The following ZNF77 variants were observed in gnomAD, a reference collection of about 807,000 sequenced individuals.
The protein encoded by ZNF77 is ZNFpT1.
In ZNF77, 15 loss-of-function variants were observed where a neutral mutation model predicts 13.5. That is an observed-to-expected ratio of 1.11 (90% CI 0.74 to 1.71). The LOEUF is 1.71. Ranked by LOEUF, ZNF77 falls within the 40% of genes most tolerant of loss-of-function variation. The pLI is 0.00. For missense variants in ZNF77, 717 were observed against 676.4 expected (o/e 1.06, Z -0.67); for synonymous variants, 282 against 250.0 (o/e 1.13, Z -1.21).
chr19:2,941,125 C>G (rs2316902), intron 1 of ZNF77, among the ~76,000 whole-genome samples: 40,933 of 142,468 alleles, frequency 0.29, 6,039 homozygotes, highest in Non-Finnish European at 0.33. Flanking sequence ...TAGTGAGCCA[C>G]GATGTCACCA....
At position 2,944,883 on chromosome 19, in the gene ZNF77, T is replaced by A; in HGVS notation, c.-43A>T. ...GCTCTCCAGGGTTAGCGCCCCGCGG[T>A]CCAGCGACCGGCGCAGGTGAGCACG... On this transcript the variant is annotated 5_prime_UTR_variant, in exon 1 of 4. Transcript: ENST00000314531. 2 of 1,521,632 alleles carry A rather than the reference T, an allele frequency of 1.3e-6. No individual in the cohort carries two copies. The allele number at this position is 1,521,632 out of a possible 1,614,324, so 94.3% of individuals were successfully genotyped here.
chr19:2,943,198 CT>C (rs1252238052), intron 1 of ZNF77, among the ~76,000 whole-genome samples: 1 of 152,072 alleles, frequency 6.6e-6, no homozygotes, highest in African/African-American at 2.4e-5. Context: ...CCCCATGCCC[CT>C]GTTGCTTATA....
rs75674008 is a variant in ZNF77, at chr19:2,939,183, G to C, written c.130+98C>G. Reference sequence around the variant, plus strand: ...GAATGACGCCACCCTTACCCAAGGAGGCAGTGAGGGAATGACGCCACCCTT... The same window carrying C: ...GAATGACGCCACCCTTACCCAAGGACGCAGTGAGGGAATGACGCCACCCTT... On this transcript the variant is annotated intron_variant, in intron 2 of 3. Coordinates refer to ENST00000314531, the MANE Select transcript of ZNF77 (RefSeq NM_021217.3). The C allele has an allele frequency of 9.9e-4, 310 of 312,696 alleles. 3 individuals carry two copies. Among genetic ancestry groups the C allele is most frequent in the East Asian group, 3.4e-3 (36 of 10,442 alleles). The allele number at this position is 312,696 out of a possible 1,614,324, so 19.4% of individuals were successfully genotyped here. A position where few individuals can be genotyped will look rare whatever the true frequency, so the allele number is the denominator to read the frequency against.
chr19:2,936,662 C>G lies in ZNF77; in HGVS notation c.173G>C (p.Arg58Thr). ...GGATATTCCATTCCCAAAAACGTCC[C>G]TCTGAGAACTTGATCCACTGGTTCT... ...YVRTSGSSSQ[R>T]DVFGNGISND... Residue 58 changes from arginine to threonine, a missense_variant, in exon 3 of 4, where the codon AGG (arginine) becomes ACG (threonine). Coordinates refer to ENST00000314531, the MANE Select transcript of ZNF77 (RefSeq NM_021217.3). The G allele has an allele frequency of 6.2e-7, 1 of 1,609,322 alleles. No homozygotes were observed. The highest frequency in any genetic ancestry group is 8.5e-7 in the Non-Finnish European group (1 of 1,178,676).
At chr19:2,942,359 C>T (rs1484770429) in intron 1 of ZNF77, among the ~76,000 whole-genome samples, 1 of 146,100 alleles carries the variant, frequency 6.8e-6, no homozygotes, top group South Asian at 2.2e-4. Context: ...TGTGAGCCAC[C>T]GCGCCCGGCT....
At chr19:2,936,348 C>T (rs967113291) in intron 3 of ZNF77, among the ~76,000 whole-genome samples, 176 bp downstream of exon 3, 5 of 152,112 alleles carry the variant, frequency 3.3e-5, no homozygotes, top group South Asian at 4.1e-4. Flanking sequence ...GGGGTTTCTC[C>T]GTGTTGGCCA....
chr19:2,943,491 G>A lies in ZNF77; in HGVS notation c.3+1347C>T, dbSNP rs1224778862. Among the ~76,000 whole-genome samples, 9 of 151,832 alleles carry A rather than the reference G, an allele frequency of 5.9e-5. 1 individual carries two copies. Among genetic ancestry groups the A allele is most frequent in the Admixed American group, 5.9e-4 (9 of 15,184 alleles). On this transcript the variant is annotated intron_variant, in intron 1 of 3. Transcript: ENST00000314531. ...AGTCTGAGCAAGCAGTAAGTGTGGA[G>A]TCCCCTGTCACCTCCCCTGAGCTAG...
chr19:2,935,888 T>C (rs1015234073), intron 3 of ZNF77, among the ~76,000 whole-genome samples: 1 of 151,824 alleles, frequency 6.6e-6, no homozygotes, highest in African/African-American at 2.4e-5. Context: ...CAGTGGTGTG[T>C]GCCTATAGTC....
At position 2,934,413 on chromosome 19, in the gene ZNF77, T is replaced by C. The variant is rs1439855023; in HGVS notation, c.714A>G (p.Lys238=). 4.3e-6 allele frequency: 7 copies of C among 1,614,208 alleles called. No individual in the cohort carries two copies. The East Asian group carries it at 1.3e-4, about 31-fold the overall frequency. Residue 238 remains lysine (K), a synonymous_variant, in exon 4 of 4, where the codon AAA becomes AAG. Transcript: ENST00000314531. ...TCCCACATACTTTACATGCATGGGT[T>C]TTCTGCCCATGATGACTATTCACAT... ...RGHVNSHHGQ[K]THACKVCGKT... is the part of the protein sequence containing the mutation.
At chr19:2,940,370 A>G (rs1417191687) in intron 1 of ZNF77, among the ~76,000 whole-genome samples, 1 of 152,008 alleles carries the variant, frequency 6.6e-6, no homozygotes, top group Admixed American at 6.6e-5. Flanking sequence ...CCAAAAAAAA[A>G]AAGGCTAAAA....
intron 2 of ZNF77, among the ~76,000 whole-genome samples, chr19:2,938,756 A>G (rs1428748801): frequency 1.3e-5 from 2 of 152,130 alleles, no homozygotes; most frequent in Non-Finnish European, 2.9e-5. Flanking sequence ...GGAGATCGAG[A>G]CCATCCTGGC....
At position 2,934,364 on chromosome 19, in the gene ZNF77, G is replaced by T. The variant is rs565779390; in HGVS notation, c.763C>A (p.Leu255Ile). The change falls in exon 4 of 4, where the codon CTT becomes ATT. Residue 255 changes from leucine (L) to isoleucine (I), a missense_variant. Transcript: ENST00000314531. ...CGKTFMYYSY[L>I]TRHVRTHTGE... ...GTGTGAGTTCTTACGTGCCGTGTAAGGTAGGAGTAATACATAAAGGTCTTC... is the reference window on the plus strand; with the variant it reads ...GTGTGAGTTCTTACGTGCCGTGTAATGTAGGAGTAATACATAAAGGTCTTC... 1.2e-6 allele frequency: 2 copies of T among 1,614,168 alleles called. No homozygotes were observed. The highest frequency in any genetic ancestry group is 1.7e-6 in the Non-Finnish European group (2 of 1,180,052).
Position 2,934,438 on chromosome 19 carries a change from T to G in ZNF77, c.689A>C (p.His230Pro). Residue 230 changes from histidine to proline, a missense_variant, in exon 4 of 4, where the codon CAT (histidine) becomes CCT (proline). His to Pro is a moderately conservative substitution (Grantham distance 77). Transcript: ENST00000314531. ...AFICPSSFRG[H>P]VNSHHGQKTH... ...TTTCTGCCCATGATGACTATTCACA[T>G]GTCCCCTGAAAGATGAGGGACAAAT... 6.2e-7 allele frequency: 1 copy of G among 1,614,234 alleles called. No homozygotes were observed. Among genetic ancestry groups the G allele is most frequent in the South Asian group, 1.1e-5 (1 of 91,084 alleles).
chr19:2,938,963 TAA>T (rs573479593), intron 2 of ZNF77, among the ~76,000 whole-genome samples: 1 of 100,464 alleles, frequency 1.0e-5, no homozygotes, highest in South Asian at 3.1e-4. Flanking sequence ...CTCAAAAAAA[TAA>T]AAAAAAAAAA....
intron 1 of ZNF77, among the ~76,000 whole-genome samples, chr19:2,942,675 G>T (rs532795827): frequency 6.6e-6 from 1 of 151,990 alleles, no homozygotes; most frequent in African/African-American, 2.4e-5. Flanking sequence ...GTGAAACCCC[G>T]TCCTGCTGTG....
chr19:2,941,120 A>T (rs1431441812), intron 1 of ZNF77, among the ~76,000 whole-genome samples: 2 of 145,242 alleles, frequency 1.4e-5, no homozygotes, highest in Non-Finnish European at 3.0e-5. Context: ...GGCTGTAGTG[A>T]GCCACGATGT....
At chr19:2,937,444 C>T (rs2088407624) in intron 2 of ZNF77, among the ~76,000 whole-genome samples, 1 of 151,282 alleles carries the variant, frequency 6.6e-6, no homozygotes, top group African/African-American at 2.4e-5. Flanking sequence ...AAGATCGCAC[C>T]ATTGCACTCC....
At chr19:2,940,732 G>T (rs1225319211) in intron 1 of ZNF77, among the ~76,000 whole-genome samples, 2 of 150,366 alleles carry the variant, frequency 1.3e-5, no homozygotes, top group Non-Finnish European at 3.0e-5. Context: ...GGAGGGAGAA[G>T]CCTACCATTA....
At chr19:2,939,500 C>A (rs2088431146) in intron 1 of ZNF77, 93 bp from the exon 2 acceptor site, 1 of 1,554,518 alleles carries the variant, frequency 6.4e-7, no homozygotes, top group African/African-American at 1.4e-5. Flanking sequence ...GGGAACTGAG[C>A]CACACAGAGC....
Sources: allele counts gnomAD v4.1 joint callset (sites outside exome capture counted in the v4.1 genomes callset), GRCh38; gene constraint gnomAD v4.1.1; transcripts MANE v1.5; gene names NCBI Gene and HGNC (gene_info 2026-07-23, HGNC 2026-07-21).